The following NCOA3 variants were observed in gnomAD, a reference collection of about 807,000 sequenced individuals.
The protein encoded by NCOA3 is CBP-interacting protein.
A neutral mutation model predicts 158.8 loss-of-function variants in NCOA3; 51 were observed. The observed-to-expected ratio is 0.32, with a 90% CI of 0.26 to 0.41. The LOEUF is 0.41. Among genes scored for constraint, NCOA3 ranks in the 10% least tolerant of loss-of-function variants. NCOA3 has a pLI of 1.00. For synonymous variants in NCOA3, 537 were observed against 592.4 expected (o/e 0.91, Z 1.36); for missense variants, 1,510 against 1,746.6 (o/e 0.86, Z 2.41).
chr20:47,578,308 C>G (rs940138682), intron 1 of NCOA3, among the ~76,000 whole-genome samples: 1 of 152,158 alleles, frequency 6.6e-6, no homozygotes, highest in African/African-American at 2.4e-5. Flanking sequence ...GCCTCGGCCT[C>G]CCGAGTAGCT....
intron 1 of NCOA3, among the ~76,000 whole-genome samples, chr20:47,560,842 A>G (rs1363529505): frequency 6.6e-6 from 1 of 151,072 alleles, no homozygotes; most frequent in Non-Finnish European, 1.5e-5. Context: ...AATTTTTTTT[A>G]TTTCAATAAT....
intron 2 of NCOA3, among the ~76,000 whole-genome samples, chr20:47,608,333 CAAAT>C (rs761893538): frequency 9.9e-5 from 15 of 150,914 alleles, no homozygotes; most frequent in Non-Finnish European, 1.9e-4. Flanking sequence ...CAAAACAAAA[CAAAT>C]AAACCAAAAA....
intron 1 of NCOA3, among the ~76,000 whole-genome samples, chr20:47,567,459 G>A (rs1046109868): frequency 2.0e-5 from 3 of 151,802 alleles, no homozygotes; most frequent in African/African-American, 7.3e-5. Context: ...GTGCAGTGCA[G>A]TGGTGCAATC....
chr20:47,592,547 T>C (rs1010977220), intron 2 of NCOA3, among the ~76,000 whole-genome samples: 1 of 152,224 alleles, frequency 6.6e-6, no homozygotes. Flanking sequence ...TTGGGGTTGA[T>C]AGAGGCTTCA....
chr20:47,653,081 T>A lies in NCOA3; in HGVS notation c.4263+9T>A, dbSNP rs530333366. Reference sequence around the variant, plus strand: ...CTATGGGTCCTGATCAGGTATGGGATCGATTCCTTACCTTTTTCAAAAAGT... The same window carrying A: ...CTATGGGTCCTGATCAGGTATGGGAACGATTCCTTACCTTTTTCAAAAAGT... On this transcript the variant is annotated intron_variant, in intron 22 of 22. Coordinates refer to ENST00000371998, the MANE Select transcript of NCOA3 (RefSeq NM_181659.3). 1 of 1,613,848 alleles carries A rather than the reference T, an allele frequency of 6.2e-7. No individual in the cohort carries two copies. Among genetic ancestry groups the A allele is most frequent in the Non-Finnish European group, 8.5e-7 (1 of 1,179,908 alleles).
intron 2 of NCOA3, among the ~76,000 whole-genome samples, chr20:47,604,949 C>T (rs535482360): frequency 9.2e-5 from 14 of 152,190 alleles, no homozygotes; most frequent in Non-Finnish European, 1.6e-4. Flanking sequence ...TCACTGCAAC[C>T]TTCACCTCCA....
At chr20:47,602,574 G>A (rs1009499821) in intron 2 of NCOA3, among the ~76,000 whole-genome samples, 5 of 152,210 alleles carry the variant, frequency 3.3e-5, no homozygotes, top group African/African-American at 2.4e-5. Context: ...TTGACTTGCT[G>A]CAAGGTAACA....
At chr20:47,572,526 C>T (rs917998713) in intron 1 of NCOA3, among the ~76,000 whole-genome samples, 2 of 151,762 alleles carry the variant, frequency 1.3e-5, no homozygotes, top group South Asian at 2.1e-4. Flanking sequence ...TTAATCATTT[C>T]TAGCCCCCCC....
chr20:47,564,650 C>T (rs2085163469), intron 1 of NCOA3, among the ~76,000 whole-genome samples: 1 of 151,194 alleles, frequency 6.6e-6, no homozygotes, highest in African/African-American at 2.4e-5. Flanking sequence ...TCTTGATGTA[C>T]TTGTGCTGTA....
At position 47,511,550 on chromosome 20, in the gene NCOA3, T is replaced by TACAC. The variant is rs1556556370; in HGVS notation, c.-99+9532_-99+9533insCACA. Among the ~76,000 whole-genome samples the TACAC allele has an allele frequency of 4.4e-3, 231 of 52,268 alleles. 43 individuals carry two copies. The highest frequency in any genetic ancestry group is 6.6e-3 in the South Asian group (7 of 1,060). 34.3% of individuals were successfully genotyped at this position (52,268 alleles called of 152,430 possible). On this transcript the variant is annotated intron_variant, in intron 1 of 22. Transcript: ENST00000371998. ...ATATATATATATATATATATATATATATATATTTCTTTTTTTTTTTGAGAC... is the reference window on the plus strand; with the variant it reads ...ATATATATATATATATATATATATATACACATATATTTCTTTTTTTTTTTGAGAC...
chr20:47,561,150 T>G (rs1389471323), intron 1 of NCOA3, among the ~76,000 whole-genome samples: 1 of 151,602 alleles, frequency 6.6e-6, no homozygotes, highest in Non-Finnish European at 1.5e-5. Context: ...CTTTTTTGTA[T>G]TTTTTGTAGA....
rs6018623 is a variant in NCOA3, at chr20:47,651,083, G to A, written c.3753G>A (p.Gln1251=). 133,044 of 1,362,784 alleles carry A rather than the reference G, an allele frequency of 0.098. 6,430 individuals are homozygous for A. Among genetic ancestry groups the A allele is most frequent in the African/African-American group, 0.2 (13,931 of 71,180 alleles). 84.4% of individuals were successfully genotyped at this position (1,362,784 alleles called of 1,614,324 possible). A position where few individuals can be genotyped will look rare whatever the true frequency, so the allele number is the denominator to read the frequency against. ...TGGCTATGATGATGCAGCAGCAGCA[G>A]CAGCAGCAACAGCAGCAGCAGCAGC... ...QRVAMMMQQQ[Q]QQQQQQQQQQ... Residue 1251 remains glutamine, a synonymous_variant, in exon 20 of 23, where the codon CAG becomes CAA. Coordinates refer to ENST00000371998, the MANE Select transcript of NCOA3 (RefSeq NM_181659.3).
Position 47,639,093 on chromosome 20 carries a change from A to C in NCOA3, c.2598A>C (p.Ser866=), listed in dbSNP as rs1602527409. The change falls in exon 14 of 23, where the codon TCA becomes TCC. Residue 866 remains serine, a synonymous_variant. Transcript: ENST00000371998. Reference sequence around the variant, plus strand: ...TGGATAGCCCTGTTTCTGTTGGCTCAAGTCCTCCAGTAAAAAATATCAGTG... The same window carrying C: ...TGGATAGCCCTGTTTCTGTTGGCTCCAGTCCTCCAGTAAAAAATATCAGTG... The part of the protein sequence containing the change: ...VSLDSPVSVG[S]SPPVKNISAF... The C allele has an allele frequency of 6.2e-7, 1 of 1,614,200 alleles. No individual in the cohort carries two copies. Among genetic ancestry groups the C allele is most frequent in the Non-Finnish European group, 8.5e-7 (1 of 1,180,024 alleles).
chr20:47,525,942 ACCC>A (rs1295281382), intron 1 of NCOA3, among the ~76,000 whole-genome samples: 1 of 76,908 alleles, frequency 1.3e-5, no homozygotes, highest in South Asian at 4.5e-4. Flanking sequence ...CGGGGGGCTG[ACCC>A]CCCCACCTCC....
chr20:47,621,292 A>C (rs528842097), intron 2 of NCOA3, among the ~76,000 whole-genome samples: 165 of 151,644 alleles, frequency 1.1e-3, no homozygotes, highest in African/African-American at 3.8e-3. Flanking sequence ...ACACATTTGA[A>C]GTTTGATCAG....
chr20:47,515,373 T>C (rs6018523), intron 1 of NCOA3, among the ~76,000 whole-genome samples: 129,246 of 151,552 alleles, frequency 0.85, 55,940 homozygotes, highest in Non-Finnish European at 0.91. Context: ...GTCTTAGTCT[T>C]GAACTCCTGA....
At chr20:47,569,071 C>T (rs1455781762) in intron 1 of NCOA3, among the ~76,000 whole-genome samples, 2 of 152,082 alleles carry the variant, frequency 1.3e-5, no homozygotes, top group Admixed American at 6.6e-5. Flanking sequence ...TCTGCCACAG[C>T]CTCTCATGCT....
chr20:47,582,966 T>C (rs1408804395), intron 1 of NCOA3, among the ~76,000 whole-genome samples: 1 of 152,220 alleles, frequency 6.6e-6, no homozygotes, highest in African/African-American at 2.4e-5. Flanking sequence ...GGCTAATTTC[T>C]GTATTTTTAG....
At chr20:47,644,056 T>A (rs1282872077) in intron 17 of NCOA3, among the ~76,000 whole-genome samples, 2 of 152,072 alleles carry the variant, frequency 1.3e-5, no homozygotes, top group Admixed American at 6.5e-5. Context: ...TTGTATAATT[T>A]CTTTATTAAC....
Sources: allele counts gnomAD v4.1 joint callset (sites outside exome capture counted in the v4.1 genomes callset), GRCh38; gene constraint gnomAD v4.1.1; transcripts MANE v1.5; gene names NCBI Gene and HGNC (gene_info 2026-07-23, HGNC 2026-07-21).